Variants in TENM2 observed in about 807,000 individuals in gnomAD.
TENM2 encodes the protein teneurin-2.
A neutral mutation model predicts 245.2 loss-of-function variants in TENM2; 52 were observed. That is an observed-to-expected ratio of 0.21 (90% CI 0.17 to 0.27). The LOEUF is 0.27. Among genes scored for constraint, TENM2 ranks in the 10% least tolerant of loss-of-function variants. The pLI, the probability that TENM2 is intolerant of heterozygous loss-of-function variation, is 1.00. For missense variants in TENM2, 3,046 were observed against 3,666.8 expected, an observed-to-expected ratio of 0.83 and a Z score of 4.37; for synonymous variants, 1,363 against 1,438.9, an observed-to-expected ratio of 0.95 and a Z score of 1.19.
intron 2 of TENM2, among the ~76,000 whole-genome samples, chr5:167,490,153 A>T (rs1042231549): frequency 1.3e-5 from 2 of 152,138 alleles, no homozygotes; most frequent in Non-Finnish European, 2.9e-5. Flanking sequence ...CATTTTCTCA[A>T]CCACCGCAGT....
chr5:167,208,315 T>C, the TENM2 span, among the ~76,000 whole-genome samples: 5 of 152,196 alleles, frequency 3.3e-5, no homozygotes, highest in Admixed American at 2.0e-4. Context: ...ACCTACATAC[T>C]TTAATGTCTA....
chr5:167,341,893 C>A (rs1427925825), intron 1 of TENM2, among the ~76,000 whole-genome samples: 1 of 152,106 alleles, frequency 6.6e-6, no homozygotes, highest in Non-Finnish European at 1.5e-5. Context: ...TTCCCCAATT[C>A]ATCTCCCCAA....
the TENM2 span, among the ~76,000 whole-genome samples, chr5:167,130,391 C>T: frequency 6.6e-6 from 1 of 152,176 alleles, no homozygotes; most frequent in Non-Finnish European, 1.5e-5. Context: ...CTTCTAAGCG[C>T]TTTTACATTT....
Position 167,442,746 on chromosome 5 carries a change from G to A in TENM2, c.502+67273G>A, listed in dbSNP as rs953500460. ...TTCTCTGAAGCATTTTTCAGAAATA[G>A]CATTGTTTGCCTGTGTCATGGAATT... On this transcript the variant is annotated intron_variant, in intron 2 of 28. Coordinates refer to ENST00000518659, the Ensembl canonical transcript of TENM2. 7.9e-5 allele frequency among the ~76,000 whole-genome samples: 12 copies of A among 152,098 alleles called. No individual in the cohort carries two copies. The East Asian group carries it at 9.6e-4, about 12-fold the overall frequency.
At chr5:167,216,343 T>C in the TENM2 span, among the ~76,000 whole-genome samples, 1 of 152,204 alleles carries the variant, frequency 6.6e-6, no homozygotes, top group Non-Finnish European at 1.5e-5. Flanking sequence ...CAGAGGCAAG[T>C]GTCAGAGTCT....
intron 1 of TENM2, among the ~76,000 whole-genome samples, chr5:167,308,354 A>G (rs1222456497): frequency 2.0e-5 from 3 of 152,186 alleles, no homozygotes; most frequent in Non-Finnish European, 4.4e-5. Flanking sequence ...AAGTTCCTAC[A>G]CCCAGTATTA....
At chr5:168,034,168 TATATAC>T (rs201460522) in intron 5 of TENM2, among the ~76,000 whole-genome samples, 5 of 86,818 alleles carry the variant, frequency 5.8e-5, no homozygotes, top group South Asian at 7.7e-4. Context: ...TATATGTATA[TATATAC>T]ACACACACAC....
the TENM2 span, among the ~76,000 whole-genome samples, chr5:167,153,305 A>G: frequency 6.6e-6 from 1 of 152,280 alleles, no homozygotes; most frequent in African/African-American, 2.4e-5. Flanking sequence ...TATATATTAT[A>G]TACTGTATTC....
At chr5:167,640,340 G>A (rs557306656) in intron 2 of TENM2, among the ~76,000 whole-genome samples, 55 of 152,214 alleles carry the variant, frequency 3.6e-4, no homozygotes, top group Non-Finnish European at 5.7e-4. Flanking sequence ...TGGTATGGCC[G>A]GGCGCGGTGG....
the TENM2 span, among the ~76,000 whole-genome samples, chr5:167,179,654 A>T: frequency 6.6e-6 from 1 of 151,978 alleles, no homozygotes; most frequent in African/African-American, 2.4e-5. Flanking sequence ...TCATTTCTTG[A>T]CCTGACTTCA....
chr5:167,615,126 G>T (rs1272130389), intron 2 of TENM2, among the ~76,000 whole-genome samples: 1 of 152,064 alleles, frequency 6.6e-6, no homozygotes, highest in Non-Finnish European at 1.5e-5. Flanking sequence ...TCTCGATTCA[G>T]AACAAAACAT....
At chr5:167,723,865 A>G (rs867099664) in intron 2 of TENM2, among the ~76,000 whole-genome samples, 3 of 152,198 alleles carry the variant, frequency 2.0e-5, no homozygotes, top group Admixed American at 6.5e-5. Flanking sequence ...ACAACCCTTT[A>G]TTTAGCAAAA....
intron 2 of TENM2, among the ~76,000 whole-genome samples, chr5:167,698,994 T>G (rs1757972467): frequency 6.6e-6 from 1 of 152,058 alleles, no homozygotes; most frequent in African/African-American, 2.4e-5. Flanking sequence ...ATAAGTACTT[T>G]TAAAAGAAAT....
At chr5:167,581,584 A>G (rs1775096420) in intron 2 of TENM2, among the ~76,000 whole-genome samples, 1 of 152,226 alleles carries the variant, frequency 6.6e-6, no homozygotes, top group Non-Finnish European at 1.5e-5. Context: ...TTACATTTAT[A>G]TACATACATG....
At chr5:167,182,506 G>T in the TENM2 span, among the ~76,000 whole-genome samples, 1 of 151,904 alleles carries the variant, frequency 6.6e-6, no homozygotes, top group African/African-American at 2.4e-5. Flanking sequence ...TTTAAGAAAG[G>T]CTTTAGAGTT....
chr5:167,702,552 G>GTGTGTGTGTATATATATA (rs58351767), intron 2 of TENM2, among the ~76,000 whole-genome samples: 1 of 136,780 alleles, frequency 7.3e-6, no homozygotes, highest in African/African-American at 2.9e-5. Context: ...GTGTGTGTGT[G>GTGTGTGTGTATATATATA]TATATATATA....
chr5:167,353,779 T>A (rs574806367), intron 1 of TENM2, among the ~76,000 whole-genome samples: 2 of 152,130 alleles, frequency 1.3e-5, no homozygotes, highest in East Asian at 3.9e-4. Flanking sequence ...AGTGCTGGGA[T>A]TACAGGCGTG....
intron 4 of TENM2, among the ~76,000 whole-genome samples, chr5:167,986,404 C>A (rs896523240): frequency 2.0e-5 from 3 of 152,228 alleles, no homozygotes; most frequent in Non-Finnish European, 4.4e-5. Context: ...CATCCCAAGC[C>A]CCTAACCTGT....
At chr5:167,210,886 C>A in the TENM2 span, among the ~76,000 whole-genome samples, 1 of 152,104 alleles carries the variant, frequency 6.6e-6, no homozygotes, top group Non-Finnish European at 1.5e-5. Context: ...GTGCTGGGTA[C>A]TTTGGGGGAA....
Sources: allele counts gnomAD v4.1 joint callset (sites outside exome capture counted in the v4.1 genomes callset), GRCh38; gene constraint gnomAD v4.1.1; transcripts MANE v1.5; gene names NCBI Gene and HGNC (gene_info 2026-07-23, HGNC 2026-07-21).